Variants in DMD observed in about 807,000 individuals in gnomAD.
The protein encoded by DMD is dystrophin.
In DMD, 63 loss-of-function variants were observed where a neutral mutation model predicts 330.1. The ratio of observed to expected loss-of-function variants is 0.19; its 90% CI spans 0.16 to 0.24. The LOEUF is 0.24. DMD is among the 10% of genes least tolerant of loss of function. DMD has a pLI of 1.00. For synonymous variants in DMD, 1,223 were observed against 959.8 expected (o/e 1.27, Z -5.07); for missense variants, 3,344 against 2,684.1 (o/e 1.25, Z -5.43).
intron 71 of DMD, among the ~76,000 whole-genome samples, chrX:31,177,421 C>T (rs190179358): frequency 5.4e-5 from 6 of 111,113 alleles, no homozygotes; most frequent in Non-Finnish European, 9.5e-5. Flanking sequence ...ATAAACAGTC[C>T]GCACACCTCA....
intron 17 of DMD, among the ~76,000 whole-genome samples, chrX:32,542,657 G>A (rs1334627067): frequency 1.8e-5 from 2 of 111,777 alleles, no homozygotes; most frequent in Admixed American, 9.5e-5. Context: ...CAAAAACGGG[G>A]CACTAGCTAA....
chrX:32,193,102 T>TG, intron 44 of DMD, among the ~76,000 whole-genome samples: 1 of 111,478 alleles, frequency 9.0e-6, no homozygotes, highest in Middle Eastern at 4.6e-3. Context: ...CTCTTGCTCC[T>TG]GCTCTAGCCA....
At chrX:31,418,221 T>C (rs1347372142) in intron 60 of DMD, among the ~76,000 whole-genome samples, 1 of 110,773 alleles carries the variant, frequency 9.0e-6, no homozygotes, top group Non-Finnish European at 1.9e-5. Context: ...CAGTGTTTGG[T>C]GAAGGCCTGC....
At chrX:32,794,897 CA>C (rs1191210529) in intron 7 of DMD, among the ~76,000 whole-genome samples, 1 of 111,732 alleles carries the variant, frequency 8.9e-6, no homozygotes, top group African/African-American at 3.3e-5. Context: ...AGAAAGAAAT[CA>C]AGAAGGCAAA....
chrX:32,931,383 A>G (rs972904140), intron 2 of DMD, among the ~76,000 whole-genome samples: 2 of 111,663 alleles, frequency 1.8e-5, no homozygotes, highest in African/African-American at 6.5e-5. Flanking sequence ...TTAGATCATT[A>G]CATTGCATAA....
At chrX:33,228,400 C>T (rs1465586225) in intron 1 of DMD, among the ~76,000 whole-genome samples, 1 of 108,171 alleles carries the variant, frequency 9.2e-6, no homozygotes, top group African/African-American at 3.4e-5. Context: ...TAAGGGTTTT[C>T]ATATTCTGAG....
At chrX:32,517,666 T>C in intron 18 of DMD, 1 of 323,662 alleles carries the variant, frequency 3.1e-6, no homozygotes, top group South Asian at 5.7e-5. Flanking sequence ...CTCTACACAA[T>C]TGTGCAAGCT....
At chrX:32,178,861 G>GTGTGTC (rs2096915935) in intron 44 of DMD, among the ~76,000 whole-genome samples, 2 of 99,985 alleles carry the variant, frequency 2.0e-5, no homozygotes, top group South Asian at 9.8e-4. Flanking sequence ...GTGTGTGTGT[G>GTGTGTC]TGTACACACG....
intron 45 of DMD, among the ~76,000 whole-genome samples, chrX:31,949,503 G>A (rs755024361): frequency 3.6e-5 from 4 of 111,161 alleles, no homozygotes; most frequent in African/African-American, 9.8e-5. Flanking sequence ...TATCTTGCAA[G>A]CTTCATGAAC....
chrX:33,072,653 G>T (rs778515685), intron 1 of DMD, among the ~76,000 whole-genome samples: 1 of 111,345 alleles, frequency 9.0e-6, no homozygotes, highest in East Asian at 2.8e-4. Flanking sequence ...AGGTCATAAG[G>T]CCTCCAAGGG....
intron 18 of DMD, among the ~76,000 whole-genome samples, chrX:32,504,872 T>C (rs994352168): frequency 9.0e-6 from 1 of 110,829 alleles, no homozygotes; most frequent in African/African-American, 3.3e-5. Context: ...ACATTTACTC[T>C]TGAATCCAAA....
Position 31,931,218 on chromosome X carries a change from A to G in DMD, c.6762+862T>C, listed in dbSNP as rs776861477. The stretch of plus-strand genomic sequence containing the variant: ...AAAATAGTGGCTGTAAATGTATCTA[A>G]TACTTGGCACATAACAGGGAATGAT... On this transcript the variant is annotated intron_variant, in intron 46 of 78. Coordinates refer to ENST00000357033, the MANE Select transcript of DMD (RefSeq NM_004006.3). Among the ~76,000 whole-genome samples the G allele has an allele frequency of 2.7e-5, 3 of 111,295 alleles. No individual in the cohort carries two copies. In the South Asian group the frequency reaches 1.1e-3, roughly 42 times the overall value.
intron 1 of DMD, among the ~76,000 whole-genome samples, chrX:33,023,632 T>C (rs185118586): frequency 2.5e-4 from 28 of 112,132 alleles, no homozygotes; most frequent in Non-Finnish European, 4.3e-4. Context: ...TTCCTATTTT[T>C]GTCAAAATAC....
At chrX:31,735,022 C>CT (rs2086771298) in intron 51 of DMD, among the ~76,000 whole-genome samples, 1 of 111,504 alleles carries the variant, frequency 9.0e-6, no homozygotes, top group Non-Finnish European at 1.9e-5. Flanking sequence ...CATGATTGCA[C>CT]TGCACCAAAG....
At chrX:32,834,788 T>A (rs886091554) in intron 4 of DMD, among the ~76,000 whole-genome samples, 4 of 111,868 alleles carry the variant, frequency 3.6e-5, no homozygotes, top group African/African-American at 1.3e-4. Context: ...CAGTTAATAT[T>A]AAATTATATT....
intron 57 of DMD, among the ~76,000 whole-genome samples, chrX:31,487,431 T>C (rs2068902730): frequency 9.0e-6 from 1 of 110,772 alleles, no homozygotes; most frequent in Non-Finnish European, 1.9e-5. Flanking sequence ...CGGCTAATTT[T>C]TTCTTTTTTT....
At chrX:31,321,339 C>T (rs1457410179) in intron 62 of DMD, among the ~76,000 whole-genome samples, 1 of 109,407 alleles carries the variant, frequency 9.1e-6, no homozygotes, top group Non-Finnish European at 1.9e-5. Flanking sequence ...AATCCCAGCA[C>T]TTTGGGAGGC....
At chrX:32,189,833 C>A (rs1300350989) in intron 44 of DMD, among the ~76,000 whole-genome samples, 1 of 110,844 alleles carries the variant, frequency 9.0e-6, no homozygotes, top group Non-Finnish European at 1.9e-5. Context: ...TGCAGTAGAA[C>A]CCTTTCATCT....
Position 31,147,347 on chromosome X carries a change from C to T in DMD, c.10725G>A (p.Arg3575=), listed in dbSNP as rs147346696. Residue 3575 remains arginine, a synonymous_variant, in exon 75 of 79, where the codon AGG becomes AGA. Transcript: ENST00000357033. Reference sequence around the variant, plus strand: ...TATTGTGGTCTTCCAGGATTTGCATCCTGGCTTCCAGGCGGCCTTTGTGTT... The same window carrying T: ...TATTGTGGTCTTCCAGGATTTGCATTCTGGCTTCCAGGCGGCCTTTGTGTT... ...LRQHKGRLEA[R]MQILEDHNKQ... is the part of the protein sequence containing the mutation. The T allele has an allele frequency of 5.8e-6, 7 of 1,208,128 alleles. No individual in the cohort carries two copies. The highest frequency in any genetic ancestry group is 2.2e-5 in the Admixed American group (1 of 45,483).
Sources: gnomAD v4.1 joint callset for allele counts (sites outside exome capture counted in the v4.1 genomes callset) on GRCh38, gnomAD v4.1.1 for gene constraint, MANE v1.5 for transcripts, NCBI Gene and HGNC (gene_info 2026-07-23, HGNC 2026-07-21) for gene names.